The following MLLT3 variants were observed in gnomAD, a reference collection of about 807,000 sequenced individuals.
MLLT3 encodes protein AF-9.
Under a neutral mutation model 53.2 loss-of-function variants are expected in MLLT3, and 4 were observed. The ratio of observed to expected loss-of-function variants is 0.08; its 90% confidence interval spans 0.04 to 0.17. The LOEUF (loss-of-function observed/expected upper bound fraction) is 0.17, where lower values mean the gene tolerates loss of function less well. Ranked by LOEUF, MLLT3 falls within the 10% of genes least tolerant of loss-of-function variation. MLLT3 has a pLI of 1.00. For synonymous variants in MLLT3, 283 were observed against 230.6 expected (o/e 1.23, Z -2.06); for missense variants, 569 against 684.0 (o/e 0.83, Z 1.87).
intron 2 of MLLT3, among the ~76,000 whole-genome samples, chr9:20,582,942 C>G (rs1288183011): frequency 6.6e-6 from 1 of 152,102 alleles, no homozygotes; most frequent in Non-Finnish European, 1.5e-5. Context: ...ATTTTAAAAC[C>G]AACCATGCCT....
chr9:20,581,663 C>T (rs1819795546), intron 2 of MLLT3, among the ~76,000 whole-genome samples: 1 of 152,134 alleles, frequency 6.6e-6, no homozygotes, highest in African/African-American at 2.4e-5. Flanking sequence ...AGGATTCCAT[C>T]CACAGTTGAT....
rs1461411424 is a variant in MLLT3 at position 20,375,609 on chromosome 9, TC to T, written c.1126-9866del. 1.7e-3 allele frequency among the ~76,000 whole-genome samples: 183 copies of T among 109,132 alleles called. 1 individual carries two copies. Among genetic ancestry groups the T allele is most frequent in the African/African-American group, 0.015 (158 of 10,342 alleles). The allele number at this position is 109,132 out of a possible 152,430, so 71.6% of individuals were successfully genotyped here. ...TTCAGTAATTTTTTTTTTTTTCTTT[TC>T]TTTTTTTTTTTTTTTGAGACAGAGT... On this transcript the variant is annotated intron_variant, in intron 5 of 10. Transcript: ENST00000380338.
rs200553428 is a variant in MLLT3 at position 20,463,429 on chromosome 9, A to AGTCCT, written c.194-6644_194-6643insAGGAC. On this transcript the variant is annotated intron_variant, in intron 2 of 10. Transcript: ENST00000380338. ...AATATAACAGCTATGTTAAAACAGG[A>AGTCCT]CTGCTTTCACAATCATTTCTTCAAG... 4.0e-3 allele frequency among the ~76,000 whole-genome samples: 609 copies of AGTCCT among 152,266 alleles called. 17 individuals carry two copies. In the South Asian group the frequency reaches 0.056, roughly 14 times the overall value.
rs1458063508 is a variant in MLLT3 at position 20,344,232 on chromosome 9, A to G, written c.*2211T>C. 1 of 197,574 alleles carries G rather than the reference A, an allele frequency of 5.1e-6. No homozygotes were observed. The highest frequency in any genetic ancestry group is 6.0e-5 in the Admixed American group (1 of 16,534). 12.2% of individuals were successfully genotyped at this position (197,574 alleles called of 1,614,324 possible). On this transcript the variant is annotated 3_prime_UTR_variant, in exon 11 of 11. Transcript: ENST00000380338. The stretch of plus-strand genomic sequence containing the variant: ...GTAACTTAAAGGAAAAAATTTTTAC[A>G]TTGGCAAATCATATTTTTTGCCCCA...
chr9:20,455,952 G>GA (rs150966238), intron 3 of MLLT3, among the ~76,000 whole-genome samples: 12,794 of 124,732 alleles, frequency 0.1, 1,746 homozygotes, highest in African/African-American at 0.33. Context: ...TTTTTTTTGA[G>GA]AAAAATAATG....
intron 5 of MLLT3, among the ~76,000 whole-genome samples, chr9:20,375,670 C>G (rs1299626068): frequency 6.8e-6 from 1 of 146,320 alleles, no homozygotes. Context: ...TGCAGTGGCG[C>G]GGTTCTCAGC....
chr9:20,403,254 C>G (rs1321368631), intron 5 of MLLT3, among the ~76,000 whole-genome samples: 1 of 152,148 alleles, frequency 6.6e-6, no homozygotes, highest in East Asian at 1.9e-4. Context: ...GATTATCTAA[C>G]TCATGAAATA....
chr9:20,445,739 A>G (rs1430763820), intron 4 of MLLT3, among the ~76,000 whole-genome samples: 1 of 152,164 alleles, frequency 6.6e-6, no homozygotes, highest in African/African-American at 2.4e-5. Flanking sequence ...TAAGATGAGA[A>G]GAGAGGTTCA....
intron 4 of MLLT3, among the ~76,000 whole-genome samples, chr9:20,445,778 A>G (rs1823678711): frequency 6.6e-6 from 1 of 152,196 alleles, no homozygotes; most frequent in Non-Finnish European, 1.5e-5. Context: ...GGTAGAATAT[A>G]TACATCTATG....
intron 2 of MLLT3, among the ~76,000 whole-genome samples, chr9:20,601,038 T>C (rs1380699062): frequency 6.6e-6 from 1 of 152,226 alleles, no homozygotes; most frequent in African/African-American, 2.4e-5. Flanking sequence ...ATGTTTGCTT[T>C]TTCTCTGCAC....
intron 2 of MLLT3, among the ~76,000 whole-genome samples, chr9:20,488,021 G>A (rs1310515548): frequency 6.6e-6 from 1 of 152,030 alleles, no homozygotes; most frequent in Non-Finnish European, 1.5e-5. Flanking sequence ...CACAAGGCAG[G>A]TAAGGTTACT....
chr9:20,521,449 T>G (rs1818054930), intron 2 of MLLT3, among the ~76,000 whole-genome samples: 1 of 115,820 alleles, frequency 8.6e-6, no homozygotes, highest in Admixed American at 8.7e-5. Context: ...TCTCTCGCTG[T>G]GTGTGTATAT....
intron 5 of MLLT3, among the ~76,000 whole-genome samples, chr9:20,384,253 T>C (rs1332354524): frequency 6.6e-6 from 1 of 152,028 alleles, no homozygotes; most frequent in Non-Finnish European, 1.5e-5. Context: ...CTTTATAAAA[T>C]ATTACAAAGG....
intron 5 of MLLT3, among the ~76,000 whole-genome samples, chr9:20,385,094 G>C (rs1402846516): frequency 4.6e-5 from 7 of 151,986 alleles, no homozygotes; most frequent in African/African-American, 2.4e-5. Context: ...CATAAGTAAA[G>C]GTACTTAATA....
chr9:20,363,514 C>A lies in MLLT3; in HGVS notation c.1293G>T (p.Met431Ile). 1 of 1,614,122 alleles carries A rather than the reference C, an allele frequency of 6.2e-7. No individual in the cohort carries two copies. Among genetic ancestry groups the A allele is most frequent in the Non-Finnish European group, 8.5e-7 (1 of 1,179,988 alleles). Residue 431 changes from methionine (M) to isoleucine (I), a missense_variant, in exon 7 of 11, where the codon ATG becomes ATT. By Grantham distance (10) the Met-to-Ile change is conservative. This residue lies in a region of MLLT3 where 437 missense variants were observed against 376.5 expected (regional missense o/e 1.16). Coordinates refer to ENST00000380338, the MANE Select transcript of MLLT3 (RefSeq NM_004529.4). ...EVEDNDNDSE[M>I]ERPVNRGGSR... ...TGCCTCCTCTATTTACAGGCCTCTC[C>A]ATTTCAGAGTCATTGTCGTTATCCT...
intron 2 of MLLT3, among the ~76,000 whole-genome samples, chr9:20,496,498 C>T (rs762818219): frequency 2.9e-4 from 44 of 152,050 alleles, no homozygotes; most frequent in African/African-American, 9.4e-4. Flanking sequence ...ATAATTGACA[C>T]GTCACATGAG....
intron 5 of MLLT3, among the ~76,000 whole-genome samples, chr9:20,388,804 G>A (rs1822109489): frequency 6.6e-6 from 1 of 152,140 alleles, no homozygotes; most frequent in Admixed American, 6.6e-5. Context: ...AGACCATATA[G>A]TTTATCTTGT....
chr9:20,554,217 C>T (rs1233620336), intron 2 of MLLT3, among the ~76,000 whole-genome samples: 2 of 152,074 alleles, frequency 1.3e-5, no homozygotes, highest in African/African-American at 4.8e-5. Context: ...CTTCCTTACC[C>T]AAAAACTTAA....
chr9:20,430,698 G>A (rs1442713058), intron 4 of MLLT3, among the ~76,000 whole-genome samples: 1 of 152,012 alleles, frequency 6.6e-6, no homozygotes, highest in Non-Finnish European at 1.5e-5. Context: ...CCTTGGTATA[G>A]GAGAATATAC....
Sources: allele counts gnomAD v4.1 joint callset (sites outside exome capture counted in the v4.1 genomes callset), GRCh38; gene constraint gnomAD v4.1.1; regional missense constraint gnomAD v4.1.1; transcripts MANE v1.5; gene names NCBI Gene and HGNC (gene_info 2026-07-23, HGNC 2026-07-21).